The following IRF6 variants were observed in gnomAD, a reference collection of about 807,000 sequenced individuals.
IRF6 encodes Van der Woude syndrome.
In IRF6, 6 loss-of-function variants were observed where a neutral mutation model predicts 51.4. The ratio of observed to expected loss-of-function variants is 0.12; its 90% CI spans 0.06 to 0.23. The LOEUF (loss-of-function observed/expected upper bound fraction) is 0.23. Ranked by LOEUF, IRF6 falls within the 10% of genes least tolerant of loss-of-function variation. The pLI, the probability that IRF6 is intolerant of heterozygous loss-of-function variation, is 1.00. For missense variants in IRF6, 348 were observed against 585.2 expected (o/e 0.59, Z 4.18); for synonymous variants, 178 against 215.7 (o/e 0.83, Z 1.53).
In IRF6 at chr1:209,790,926, T is replaced by C; in HGVS notation, c.668-39A>G. 1 of 1,611,682 alleles carries C rather than the reference T, an allele frequency of 6.2e-7. No individual in the cohort carries two copies. The highest frequency in any genetic ancestry group is 8.5e-7 in the Non-Finnish European group (1 of 1,180,040). On this transcript the variant is annotated intron_variant, in intron 6 of 8. Coordinates refer to ENST00000367021, the MANE Select transcript of IRF6 (RefSeq NM_006147.4). This position sits in a 1 kb window ranked among gnomAD's most constrained non-coding sequence, Gnocchi z 4.8. The stretch of plus-strand genomic sequence containing the variant: ...GATGACAGTGAGAGTCCTGCTTCAC[T>C]GCTCTGCCTGTTCATCCCTGTGACT...
chr1:209,788,700 G>A (rs2077849713), intron 8 of IRF6, 56 bp from the exon 9 acceptor site: 1 of 1,407,314 alleles, frequency 7.1e-7, no homozygotes, highest in African/African-American at 1.4e-5. Flanking sequence ...TTTTTAAATA[G>A]CACAATGGAC....
At chr1:209,792,478 A>T in intron 5 of IRF6, 51 bp from the exon 6 acceptor site, 1 of 1,594,552 alleles carries the variant, frequency 6.3e-7, no homozygotes, top group South Asian at 1.1e-5. Context: ...CGTGCACATC[A>T]CTTGCTGATG....
intron 5 of IRF6, 127 bp from the exon 6 acceptor site, chr1:209,792,554 C>G: frequency 2.2e-6 from 2 of 930,104 alleles, no homozygotes; most frequent in East Asian, 5.2e-5. Context: ...TGTGATCTTC[C>G]AGCCCATCAG....
chr1:209,790,913 A>T lies in IRF6; in HGVS notation c.668-26T>A. 1 of 1,612,034 alleles carries T rather than the reference A, an allele frequency of 6.2e-7. No individual in the cohort carries two copies. Among genetic ancestry groups the T allele is most frequent in the Non-Finnish European group, 8.5e-7 (1 of 1,180,028 alleles). Reference sequence around the variant, plus strand: ...CTGCAAGGTTAGAGATGACAGTGAGAGTCCTGCTTCACTGCTCTGCCTGTT... The same window carrying T: ...CTGCAAGGTTAGAGATGACAGTGAGTGTCCTGCTTCACTGCTCTGCCTGTT... On this transcript the variant is annotated intron_variant, in intron 6 of 8. Coordinates refer to ENST00000367021, the MANE Select transcript of IRF6 (RefSeq NM_006147.4). The surrounding 1 kb of genome is among the most constrained non-coding windows in gnomAD (Gnocchi z 4.8).
In IRF6 at chr1:209,790,577, T is replaced by C. The variant is rs1362979626; in HGVS notation, c.978A>G (p.Pro326=). Residue 326 remains proline, a synonymous_variant, in exon 7 of 9, where the codon CCA becomes CCG. Coordinates refer to ENST00000367021, the MANE Select transcript of IRF6 (RefSeq NM_006147.4). The surrounding 1 kb of genome is among the most constrained non-coding windows in gnomAD (Gnocchi z 4.8). ...TGGGAGCAACAAGTGATGGGGCACATGGCCCAGACCAGTACACCTTGCACT... is the reference window on the plus strand; with the variant it reads ...TGGGAGCAACAAGTGATGGGGCACACGGCCCAGACCAGTACACCTTGCACT... ...LCQCKVYWSG[P]CAPSLVAPNL... 2.5e-6 allele frequency: 4 copies of C among 1,614,246 alleles called. No individual in the cohort carries two copies. The highest frequency in any genetic ancestry group is 3.4e-6 in the Non-Finnish European group (4 of 1,180,038).
rs2077874169 is a variant in IRF6, at chr1:209,792,345, G to A, written c.591C>T (p.Pro197=). ...SPEAVWPKTE[P]LEMEVPQAPI... ...GTGCCTGGGGTACTTCCATCTCCAGGGGTTCAGTTTTGGGCCACACTGCCT... is the reference window on the plus strand; with the variant it reads ...GTGCCTGGGGTACTTCCATCTCCAGAGGTTCAGTTTTGGGCCACACTGCCT... Residue 197 remains proline, a synonymous_variant, in exon 6 of 9, where the codon CCC becomes CCT. Coordinates refer to ENST00000367021, the MANE Select transcript of IRF6 (RefSeq NM_006147.4). 1 of 1,614,082 alleles carries A rather than the reference G, an allele frequency of 6.2e-7. No homozygotes were observed. Among genetic ancestry groups the A allele is most frequent in the South Asian group, 1.1e-5 (1 of 91,092 alleles).
chr1:209,802,867 G>A (rs374926729), intron 1 of IRF6, among the ~76,000 whole-genome samples: 1 of 152,220 alleles, frequency 6.6e-6, no homozygotes, highest in South Asian at 2.1e-4. Flanking sequence ...AGCTGACGGG[G>A]TGGCCCATAA....
intron 3 of IRF6, among the ~76,000 whole-genome samples, chr1:209,797,226 C>T (rs1330766083): frequency 6.6e-6 from 1 of 151,926 alleles, no homozygotes; most frequent in East Asian, 1.9e-4. Context: ...CAAAATTAGC[C>T]GGGCATGGTG....
intron 8 of IRF6, 113 bp from the exon 9 acceptor site, chr1:209,788,757 C>G (rs1278864873): frequency 1.4e-5 from 11 of 775,362 alleles, no homozygotes; most frequent in Non-Finnish European, 2.4e-5. Flanking sequence ...AGACCCCATT[C>G]TGATGTCTAA....
intron 1 of IRF6, among the ~76,000 whole-genome samples, chr1:209,803,490 G>T (rs1412778764): frequency 1.6e-4 from 24 of 152,234 alleles, no homozygotes; most frequent in Admixed American, 1.6e-3. Flanking sequence ...TGGGAAAGGA[G>T]AAGCAGCCAC....
intron 5 of IRF6, among the ~76,000 whole-genome samples, chr1:209,793,458 T>C (rs1017127473): frequency 6.6e-6 from 1 of 152,190 alleles, no homozygotes; most frequent in African/African-American, 2.4e-5. Flanking sequence ...TGCATCCTTT[T>C]AGGGGGTGAG....
At chr1:209,800,897 T>C (rs565781867) in intron 3 of IRF6, among the ~76,000 whole-genome samples, 1 of 152,328 alleles carries the variant, frequency 6.6e-6, no homozygotes, top group Non-Finnish European at 1.5e-5. Flanking sequence ...ACTCTCTGCA[T>C]AGCAAGAGCT....
chr1:209,789,901 T>A, intron 7 of IRF6, 116 bp from the exon 8 acceptor site: 1 of 738,902 alleles, frequency 1.4e-6, no homozygotes, highest in Non-Finnish European at 2.4e-6. Flanking sequence ...CTCACTAGTT[T>A]TAAATTAATT....
At position 209,796,271 on chromosome 1, in the gene IRF6, CA is replaced by C. The variant is rs2102542634; in HGVS notation, c.379+76del. 1 of 1,247,976 alleles carries C rather than the reference CA, an allele frequency of 8.0e-7. No individual in the cohort carries two copies. Among genetic ancestry groups the C allele is most frequent in the East Asian group, 2.3e-5 (1 of 42,712 alleles). The allele number at this position is 1,247,976 out of a possible 1,614,324, so 77.3% of individuals were successfully genotyped here. The stretch of plus-strand genomic sequence containing the variant: ...TAAACTGTGTAAATCAGGCTGTTTT[CA>C]AGTTGACTATCTCTTAAGAGTGCAG... On this transcript the variant is annotated intron_variant, in intron 4 of 8. Coordinates refer to ENST00000367021, the MANE Select transcript of IRF6 (RefSeq NM_006147.4). The surrounding 1 kb of genome is among the most constrained non-coding windows in gnomAD (Gnocchi z 4.5).
chr1:209,799,560 T>C (rs1365621800), intron 3 of IRF6, among the ~76,000 whole-genome samples: 1 of 152,240 alleles, frequency 6.6e-6, no homozygotes, highest in Non-Finnish European at 1.5e-5. Context: ...TGCAAACAGA[T>C]GCACAGATAT....
intron 3 of IRF6, among the ~76,000 whole-genome samples, chr1:209,797,554 C>G (rs1402126988): frequency 6.6e-6 from 1 of 152,094 alleles, no homozygotes; most frequent in Non-Finnish European, 1.5e-5. Flanking sequence ...TGCTGTCAAC[C>G]ACACCAGTGG....
At chr1:209,801,796 G>A (rs2077945118) in intron 2 of IRF6, among the ~76,000 whole-genome samples, 176 bp downstream of exon 2, 1 of 152,194 alleles carries the variant, frequency 6.6e-6, no homozygotes, top group Non-Finnish European at 1.5e-5. Flanking sequence ...TCTCAGGAGA[G>A]GGAAGAAAAA....
At chr1:209,793,994 C>T (rs190197934) in intron 5 of IRF6, among the ~76,000 whole-genome samples, 1 of 152,282 alleles carries the variant, frequency 6.6e-6, no homozygotes, top group Non-Finnish European at 1.5e-5. Context: ...TAATTTGATT[C>T]CATGTCTTTG....
At chr1:209,801,181 G>GA (rs1388077754) in intron 3 of IRF6, 59 bp downstream of exon 3, 175 of 993,472 alleles carry the variant, frequency 1.8e-4, no homozygotes, top group Middle Eastern at 2.6e-4. Flanking sequence ...TATTCCCCAT[G>GA]CCAAAAAAAA....
Sources: allele counts gnomAD v4.1 joint callset (sites outside exome capture counted in the v4.1 genomes callset), GRCh38; gene constraint gnomAD v4.1.1; non-coding constraint Gnocchi (gnomAD v3.1); transcripts MANE v1.5; gene names NCBI Gene and HGNC (gene_info 2026-07-23, HGNC 2026-07-21).